The following ANOS1 variants were observed in gnomAD, a reference collection of about 807,000 sequenced individuals.
ANOS1 encodes anosmin-1.
A neutral mutation model predicts 59.0 loss-of-function variants in ANOS1; 6 were observed. The observed-to-expected ratio is 0.10, with a 90% CI of 0.06 to 0.20. The LOEUF is 0.20. Among genes scored for constraint, ANOS1 ranks in the 10% least tolerant of loss-of-function variants. The probability of loss-of-function intolerance (pLI) is 1.00; values close to 1 mark genes in which losing one functional copy is unlikely to be tolerated. For synonymous variants in ANOS1, 217 were observed against 223.4 expected (o/e 0.97, Z 0.25); for missense variants, 433 against 542.3 (o/e 0.80, Z 2.00).
chrX:8,612,191 T>G (rs1931070341), intron 3 of ANOS1, among the ~76,000 whole-genome samples: 1 of 111,845 alleles, frequency 8.9e-6, no homozygotes, highest in African/African-American at 3.2e-5. Flanking sequence ...TAACTAGAAA[T>G]CAGTAGGAAG....
intron 3 of ANOS1, among the ~76,000 whole-genome samples, chrX:8,604,280 G>T (rs998971691): frequency 9.0e-6 from 1 of 111,076 alleles, no homozygotes; most frequent in Admixed American, 9.6e-5. Context: ...TGATGTCTTG[G>T]GTGAACTTCT....
chrX:8,603,249 T>C (rs1930878936), intron 3 of ANOS1, among the ~76,000 whole-genome samples: 1 of 112,181 alleles, frequency 8.9e-6, no homozygotes, highest in Non-Finnish European at 1.9e-5. Context: ...AAGCAAAGTG[T>C]TAAAGAAAAA....
intron 9 of ANOS1, among the ~76,000 whole-genome samples, chrX:8,545,494 T>C (rs1690183186): frequency 9.0e-6 from 1 of 111,263 alleles, no homozygotes; most frequent in Non-Finnish European, 1.9e-5. Flanking sequence ...CTAATATCAA[T>C]GGAGTAATAA....
chrX:8,680,557 A>C (rs1436815532), intron 2 of ANOS1, among the ~76,000 whole-genome samples: 2 of 111,614 alleles, frequency 1.8e-5, no homozygotes, highest in Non-Finnish European at 3.8e-5. Context: ...ATGATATCCC[A>C]GGAAGACATA....
At chrX:8,686,300 T>C (rs921758929) in intron 2 of ANOS1, among the ~76,000 whole-genome samples, 6 of 112,091 alleles carry the variant, frequency 5.4e-5, no homozygotes, top group Admixed American at 9.5e-5. Flanking sequence ...TATTATTTTA[T>C]GGATGTGTGC....
intron 6 of ANOS1, among the ~76,000 whole-genome samples, chrX:8,572,415 G>A (rs999245338): frequency 1.8e-5 from 2 of 111,201 alleles, no homozygotes; most frequent in Middle Eastern, 4.6e-3. Flanking sequence ...TTAGTTTGCT[G>A]AGGATAATGG....
intron 3 of ANOS1, among the ~76,000 whole-genome samples, chrX:8,606,691 T>C (rs1037672181): frequency 1.8e-5 from 2 of 112,942 alleles, no homozygotes; most frequent in African/African-American, 6.4e-5. Context: ...GTCTTGGCCT[T>C]GCTGTGTTAA....
intron 6 of ANOS1, among the ~76,000 whole-genome samples, chrX:8,574,303 CA>C (rs377507452): frequency 0.061 from 4,853 of 79,953 alleles, 287 homozygotes; most frequent in African/African-American, 0.19. Context: ...CTCCATTTAC[CA>C]AAAAAAAAAA....
At chrX:8,541,418 C>T (rs766353046) in intron 9 of ANOS1, among the ~76,000 whole-genome samples, 4 of 98,397 alleles carry the variant, frequency 4.1e-5, no homozygotes, top group African/African-American at 1.2e-4. Flanking sequence ...CACCCCCCCC[C>T]CAAAAACAAA....
chrX:8,726,994 T>C (rs747107420), intron 1 of ANOS1, among the ~76,000 whole-genome samples: 1 of 112,415 alleles, frequency 8.9e-6, no homozygotes, highest in South Asian at 3.7e-4. Flanking sequence ...GTTTAAACTT[T>C]CCCAGATGGC....
chrX:8,724,162 C>G (rs6638862), intron 1 of ANOS1, among the ~76,000 whole-genome samples: 52,489 of 111,038 alleles, frequency 0.47, 9,308 homozygotes, highest in African/African-American at 0.63. Flanking sequence ...TAAAAGCTAA[C>G]TTATATTTTT....
At chrX:8,562,992 T>G (rs1357320503) in intron 8 of ANOS1, among the ~76,000 whole-genome samples, 1 of 112,575 alleles carries the variant, frequency 8.9e-6, no homozygotes, top group African/African-American at 3.2e-5. Flanking sequence ...AGTTGGTTCA[T>G]GATGAAATAT....
intron 3 of ANOS1, among the ~76,000 whole-genome samples, chrX:8,611,819 T>A (rs769898166): frequency 9.0e-6 from 1 of 111,709 alleles, no homozygotes; most frequent in African/African-American, 3.2e-5. Context: ...AACCTAGCAT[T>A]ATAAGAAATG....
Position 8,731,866 on chromosome X carries a change from C to G in ANOS1, c.171G>C (p.Gln57His). Residue 57 changes from glutamine to histidine, a missense_variant, in exon 1 of 14, where the codon CAG becomes CAC. Coordinates refer to ENST00000262648, the MANE Select transcript of ANOS1 (RefSeq NM_000216.4). ...ARCASRCLSL[Q>H]ITRISAFFQH... is the part of the protein sequence containing the mutation. ...GGAAGAAGGCGGAGATGCGAGTGATCTGCAGGCTCAGGCACCTGGAGGCGC... is the reference window on the plus strand; with the variant it reads ...GGAAGAAGGCGGAGATGCGAGTGATGTGCAGGCTCAGGCACCTGGAGGCGC... 8.4e-7 allele frequency: 1 copy of G among 1,196,024 alleles called. No homozygotes were observed. Among genetic ancestry groups the G allele is most frequent in the Non-Finnish European group, 1.1e-6 (1 of 889,250 alleles).
intron 2 of ANOS1, among the ~76,000 whole-genome samples, chrX:8,648,563 A>G (rs147791778): frequency 9.0e-6 from 1 of 111,554 alleles, no homozygotes; most frequent in African/African-American, 3.3e-5. Flanking sequence ...TAAACACTCA[A>G]ATAACTATTT....
chrX:8,565,987 T>C (rs1930104831), intron 8 of ANOS1: 20 of 752,393 alleles, frequency 2.7e-5, no homozygotes, highest in Admixed American at 2.6e-4. Flanking sequence ...GAGAGACCAG[T>C]GGCCCATCCA....
At chrX:8,553,843 G>A (rs1355667824) in intron 9 of ANOS1, 109 bp downstream of exon 9, 11 of 684,476 alleles carry the variant, frequency 1.6e-5, no homozygotes, top group Admixed American at 2.5e-5. Flanking sequence ...TTCAACAACC[G>A]TTTGCCTTAG....
chrX:8,548,528 A>G (rs943784698), intron 9 of ANOS1, among the ~76,000 whole-genome samples: 2 of 112,130 alleles, frequency 1.8e-5, no homozygotes, highest in African/African-American at 6.5e-5. Flanking sequence ...AGAGGGCATG[A>G]GTTGAAATGG....
intron 10 of ANOS1, among the ~76,000 whole-genome samples, chrX:8,538,455 A>G (rs1028309261): frequency 1.8e-5 from 2 of 112,071 alleles, no homozygotes; most frequent in African/African-American, 6.5e-5. Context: ...TCTACCAGAT[A>G]CATTACATCT....
Sources: gnomAD v4.1 joint callset for allele counts (sites outside exome capture counted in the v4.1 genomes callset) on GRCh38, gnomAD v4.1.1 for gene constraint, MANE v1.5 for transcripts, NCBI Gene and HGNC (gene_info 2026-07-23, HGNC 2026-07-21) for gene names.